Variants in NR2C2 observed in about 807,000 individuals in gnomAD.
The protein encoded by NR2C2 is nuclear receptor subfamily 2 group C member 2.
Under a neutral mutation model 62.9 loss-of-function variants are expected in NR2C2, and 6 were observed. The observed-to-expected ratio is 0.10, with a 90% CI of 0.05 to 0.19. NR2C2 has a LOEUF of 0.19. Among genes scored for constraint, NR2C2 ranks in the 10% least tolerant of loss-of-function variants. The pLI is 1.00. For synonymous variants in NR2C2, 272 were observed against 273.8 expected, an observed-to-expected ratio of 0.99 and a Z score of 0.07; for missense variants, 479 against 762.7, an observed-to-expected ratio of 0.63 and a Z score of 4.38.
chr3:14,951,423 T>C lies in NR2C2; in HGVS notation c.-40+3517T>C, dbSNP rs553906971. Reference sequence around the variant, plus strand: ...AAAACATTTGTATTAACTTATTTTATATTGTAAAACTTTTAAAATAAGATA... The same window carrying C: ...AAAACATTTGTATTAACTTATTTTACATTGTAAAACTTTTAAAATAAGATA... On this transcript the variant is annotated intron_variant, in intron 1 of 13. Transcript: ENST00000425241. Among the ~76,000 whole-genome samples, 3 of 152,350 alleles carry C rather than the reference T, an allele frequency of 2.0e-5. No individual in the cohort carries two copies. The South Asian group carries it at 6.2e-4, about 32-fold the overall frequency.
At chr3:15,038,996 A>G (rs2042180188) in intron 12 of NR2C2, 126 bp from the exon 13 acceptor site, 2 of 684,042 alleles carry the variant, frequency 2.9e-6, no homozygotes, top group East Asian at 5.4e-5. Flanking sequence ...AAACTAGATC[A>G]GTCTTTGAGT....
intron 1 of NR2C2, among the ~76,000 whole-genome samples, chr3:14,969,406 C>T (rs1302772394): frequency 1.3e-5 from 2 of 152,050 alleles, no homozygotes; most frequent in Non-Finnish European, 2.9e-5. Context: ...CCACACCCAG[C>T]TAATTTTTGT....
intron 4 of NR2C2, among the ~76,000 whole-genome samples, chr3:15,018,463 T>C (rs2041575149): frequency 6.6e-6 from 1 of 152,192 alleles, no homozygotes; most frequent in Non-Finnish European, 1.5e-5. Flanking sequence ...AATAGACATT[T>C]CGCAAAAGAA....
chr3:14,963,951 T>C (rs1243684737), intron 1 of NR2C2, among the ~76,000 whole-genome samples: 1 of 152,140 alleles, frequency 6.6e-6, no homozygotes, highest in Non-Finnish European at 1.5e-5. Flanking sequence ...ATGGTTAATA[T>C]TAACTGAAAA....
intron 2 of NR2C2, 150 bp from the exon 3 acceptor site, chr3:15,013,439 T>G: frequency 1.5e-6 from 1 of 659,922 alleles, no homozygotes. Flanking sequence ...GTGTTTTATT[T>G]TTCTCAGTTC....
In NR2C2 at chr3:15,030,406, T is replaced by C. The variant is rs1483545543; in HGVS notation, c.1064T>C (p.Ile355Thr). ...AGCAGAGACCAGTCGACACCCATCA[T>C]TGAGGTTGAAGGCCCCCTCCTTTCA... Reference protein sequence around the residue: ...VISRDQSTPIIEVEGPLLSDT... With the variant: ...VISRDQSTPITEVEGPLLSDT... Residue 355 changes from isoleucine to threonine, a missense_variant, in exon 9 of 14, where the codon ATT (isoleucine) becomes ACT (threonine). Ile to Thr is a moderately conservative substitution (Grantham distance 89). Coordinates refer to ENST00000425241, the MANE Select transcript of NR2C2 (RefSeq NM_001291694.2). 2.5e-6 allele frequency: 4 copies of C among 1,609,418 alleles called. No individual in the cohort carries two copies. The highest frequency in any genetic ancestry group is 3.4e-6 in the Non-Finnish European group (4 of 1,178,594).
intron 2 of NR2C2, among the ~76,000 whole-genome samples, chr3:15,010,581 G>T (rs1337081920): frequency 1.3e-5 from 2 of 151,878 alleles, no homozygotes; most frequent in Non-Finnish European, 2.9e-5. Flanking sequence ...GCATGGTGGT[G>T]CTTACCTGTA....
At chr3:14,983,462 TACAC>T (rs34788861) in intron 1 of NR2C2, among the ~76,000 whole-genome samples, 3,513 of 146,848 alleles carry the variant, frequency 0.024, 109 homozygotes, top group African/African-American at 0.07. Flanking sequence ...ATACTCTTTA[TACAC>T]ACACACACAC....
intron 1 of NR2C2, among the ~76,000 whole-genome samples, chr3:14,969,324 C>T (rs922709657): frequency 6.7e-6 from 1 of 148,700 alleles, no homozygotes; most frequent in Non-Finnish European, 1.5e-5. Context: ...CGGCTCACTG[C>T]AACAACCACT....
chr3:14,973,666 A>G (rs776605543), intron 1 of NR2C2, among the ~76,000 whole-genome samples: 4 of 152,154 alleles, frequency 2.6e-5, no homozygotes, highest in South Asian at 2.1e-4. Flanking sequence ...TTGTCCCAGA[A>G]CCATTTGTTA....
Position 15,008,644 on chromosome 3 carries a change from C to T in NR2C2, c.72+4658C>T, listed in dbSNP as rs142084814. Among the ~76,000 whole-genome samples, 117 of 152,190 alleles carry T rather than the reference C, an allele frequency of 7.7e-4. 2 individuals carry two copies. The East Asian group carries it at 0.021, about 27-fold the overall frequency. On this transcript the variant is annotated intron_variant, in intron 2 of 13. Transcript: ENST00000425241. ...AACAGAGATGTTGAACTGGCTGGAA[C>T]AGAGTGGGTAACATGGGGGAGAATG... is the stretch of plus-strand genomic sequence containing the variant.
intron 1 of NR2C2, among the ~76,000 whole-genome samples, chr3:14,976,787 G>C (rs183216232): frequency 2.6e-5 from 4 of 151,972 alleles, no homozygotes; most frequent in African/African-American, 9.7e-5. Context: ...TCAGAATTTT[G>C]AAGGCATCAT....
At chr3:14,964,997 CT>C (rs1183108601) in intron 1 of NR2C2, among the ~76,000 whole-genome samples, 2 of 152,112 alleles carry the variant, frequency 1.3e-5, no homozygotes, top group African/African-American at 4.8e-5. Flanking sequence ...CTCACTCAGA[CT>C]GGGATAATTT....
chr3:14,985,973 A>C (rs993713938), intron 1 of NR2C2, among the ~76,000 whole-genome samples: 2 of 152,174 alleles, frequency 1.3e-5, no homozygotes, highest in African/African-American at 4.8e-5. Flanking sequence ...TTTAACAGTC[A>C]CATAACTTCA....
intron 1 of NR2C2, among the ~76,000 whole-genome samples, chr3:14,956,861 C>T (rs1434256021): frequency 6.6e-6 from 1 of 152,198 alleles, no homozygotes; most frequent in Non-Finnish European, 1.5e-5. Context: ...TACACTACTT[C>T]CATGTGTATA....
At chr3:15,008,254 G>A (rs2041249466) in intron 2 of NR2C2, among the ~76,000 whole-genome samples, 1 of 151,158 alleles carries the variant, frequency 6.6e-6, no homozygotes, top group African/African-American at 2.4e-5. Context: ...TGAGTGCAGT[G>A]GCTCACACCT....
At chr3:15,009,082 C>T (rs2041275535) in intron 2 of NR2C2, among the ~76,000 whole-genome samples, 1 of 150,966 alleles carries the variant, frequency 6.6e-6, no homozygotes, top group Non-Finnish European at 1.5e-5. Context: ...ATTAGCGGGG[C>T]ATGGTGACGC....
At chr3:14,971,157 G>A (rs768590854) in intron 1 of NR2C2, among the ~76,000 whole-genome samples, 31 of 151,958 alleles carry the variant, frequency 2.0e-4, no homozygotes, top group Non-Finnish European at 2.2e-4. Context: ...CTTGCTCTGC[G>A]CCCAGGCTGG....
chr3:14,991,927 G>A (rs532096351), intron 1 of NR2C2, among the ~76,000 whole-genome samples: 60 of 151,604 alleles, frequency 4.0e-4, no homozygotes, highest in Non-Finnish European at 8.1e-4. Context: ...GCGACACCAC[G>A]CCTGGATAAT....
Sources: allele counts gnomAD v4.1 joint callset (sites outside exome capture counted in the v4.1 genomes callset), GRCh38; gene constraint gnomAD v4.1.1; transcripts MANE v1.5; gene names NCBI Gene and HGNC (gene_info 2026-07-23, HGNC 2026-07-21).